The following RAB20 variants were observed in gnomAD, a reference collection of about 807,000 sequenced individuals.
RAB20 encodes the protein ras-related protein Rab-20.
In RAB20, 2 loss-of-function variants were observed where a neutral mutation model predicts 3.7. The observed-to-expected ratio is 0.54, with a 90% CI of 0.22 to 1.69. The LOEUF is 1.69. Among genes scored for constraint, RAB20 ranks in the 40% most tolerant of loss-of-function variants. The pLI is 0.19. For synonymous variants in RAB20, 126 were observed against 130.8 expected (o/e 0.96, Z 0.25); for missense variants, 276 against 311.9 (o/e 0.88, Z 0.87).
intron 1 of RAB20, among the ~76,000 whole-genome samples, chr13:110,533,354 G>T (rs571662856): frequency 6.6e-6 from 1 of 152,316 alleles, no homozygotes; most frequent in African/African-American, 2.4e-5. Context: ...CTCTAGGTTT[G>T]TTTTTTTAAA....
chr13:110,536,986 G>GTTTTT (rs147636207), intron 1 of RAB20, among the ~76,000 whole-genome samples: 2,243 of 109,466 alleles, frequency 0.02, 47 homozygotes, highest in Middle Eastern at 0.049. Flanking sequence ...GTGTCCAAGT[G>GTTTTT]TTTTTTTTTG....
At chr13:110,553,478 G>A (rs970877018) in intron 1 of RAB20, among the ~76,000 whole-genome samples, 3 of 152,172 alleles carry the variant, frequency 2.0e-5, no homozygotes, top group Admixed American at 6.5e-5. Context: ...AATGTTTTCC[G>A]CAAAGGGCCA....
At chr13:110,526,632 T>C (rs990954290) in intron 1 of RAB20, among the ~76,000 whole-genome samples, 1 of 152,132 alleles carries the variant, frequency 6.6e-6, no homozygotes, top group South Asian at 2.1e-4. Flanking sequence ...AACATCATCT[T>C]TGTTTTCACC....
chr13:110,561,609 G>C lies in RAB20; in HGVS notation c.-90C>G. ...GGGCGCAGCTGGAGGAGCGGACCCC[G>C]GACTCGCCGGGACCCGGATTCTCGT... On this transcript the variant is annotated 5_prime_UTR_variant, in exon 1 of 2. Coordinates refer to ENST00000267328, the MANE Select transcript of RAB20 (RefSeq NM_017817.3). The C allele has an allele frequency of 6.7e-7, 1 of 1,482,402 alleles. No homozygotes were observed. The highest frequency in any genetic ancestry group is 8.9e-7 in the Non-Finnish European group (1 of 1,119,394). 91.8% of individuals were successfully genotyped at this position (1,482,402 alleles called of 1,614,324 possible). A position where few individuals can be genotyped will look rare whatever the true frequency, so the allele number is the denominator to read the frequency against.
At chr13:110,532,155 G>A (rs1229938229) in intron 1 of RAB20, among the ~76,000 whole-genome samples, 2 of 152,222 alleles carry the variant, frequency 1.3e-5, no homozygotes, top group Non-Finnish European at 2.9e-5. Context: ...TGACCCAGCT[G>A]CCAGGGCAAG....
intron 1 of RAB20, among the ~76,000 whole-genome samples, chr13:110,527,549 T>A (rs1479920248): frequency 5.3e-5 from 8 of 152,218 alleles, no homozygotes; most frequent in African/African-American, 1.9e-4. Flanking sequence ...AGCCTGGGAA[T>A]GCTGTTGTTT....
intron 1 of RAB20, among the ~76,000 whole-genome samples, chr13:110,558,707 T>TG (rs1885082165): frequency 7.3e-6 from 1 of 137,540 alleles, no homozygotes; most frequent in African/African-American, 2.8e-5. Context: ...TTTTTTTTTT[T>TG]TTTTTTTTTT....
At chr13:110,524,284 G>A (rs1884390908) in intron 1 of RAB20, 87 bp from the exon 2 acceptor site, 2 of 1,478,294 alleles carry the variant, frequency 1.4e-6, no homozygotes, top group African/African-American at 1.4e-5. Flanking sequence ...CGTCCCACAG[G>A]GATGTTTATT....
At chr13:110,548,895 G>A (rs1458406856) in intron 1 of RAB20, among the ~76,000 whole-genome samples, 1 of 152,176 alleles carries the variant, frequency 6.6e-6, no homozygotes, top group Non-Finnish European at 1.5e-5. Flanking sequence ...TGAGTGTGAT[G>A]TCTGGCACCC....
intron 1 of RAB20, among the ~76,000 whole-genome samples, chr13:110,531,403 G>A (rs966197642): frequency 6.6e-6 from 1 of 152,218 alleles, no homozygotes; most frequent in African/African-American, 2.4e-5. Flanking sequence ...TGGAAGTGCC[G>A]GCTAATTCGC....
In RAB20 at chr13:110,523,219, A is replaced by G. The variant is rs1884360379; in HGVS notation, c.*446T>C. On this transcript the variant is annotated 3_prime_UTR_variant, in exon 2 of 2. Coordinates refer to ENST00000267328, the MANE Select transcript of RAB20 (RefSeq NM_017817.3). ...TACAAGTACCAAGTGGGAGGACCAA[A>G]GACAACTCACAGTGAAGAGAAACGC... 4.9e-6 allele frequency: 2 copies of G among 408,436 alleles called. No homozygotes were observed. Among genetic ancestry groups the G allele is most frequent in the East Asian group, 7.0e-5 (2 of 28,726 alleles). The allele number at this position is 408,436 out of a possible 1,614,324, so 25.3% of individuals were successfully genotyped here.
intron 1 of RAB20, among the ~76,000 whole-genome samples, chr13:110,528,836 G>GA (rs1566583416): frequency 6.6e-6 from 1 of 152,206 alleles, no homozygotes; most frequent in East Asian, 1.9e-4. Flanking sequence ...ATGCTAGCCA[G>GA]AAAAAAGTAA....
intron 1 of RAB20, among the ~76,000 whole-genome samples, chr13:110,547,147 C>G (rs1003442915): frequency 4.6e-5 from 7 of 152,150 alleles, no homozygotes; most frequent in Non-Finnish European, 8.8e-5. Flanking sequence ...CTGACTGTTG[C>G]GCCAAATCAC....
chr13:110,537,605 A>G (rs950263750), intron 1 of RAB20, among the ~76,000 whole-genome samples: 1 of 151,816 alleles, frequency 6.6e-6, no homozygotes, highest in Non-Finnish European at 1.5e-5. Context: ...TCTCCTAGAC[A>G]TAAGGAGCTG....
At chr13:110,546,011 T>C (rs563017152) in intron 1 of RAB20, among the ~76,000 whole-genome samples, 1 of 152,170 alleles carries the variant, frequency 6.6e-6, no homozygotes, top group African/African-American at 2.4e-5. Flanking sequence ...AGATGAAAAG[T>C]CAATGTCCAA....
At chr13:110,552,686 C>A (rs1025767975) in intron 1 of RAB20, among the ~76,000 whole-genome samples, 6 of 140,152 alleles carry the variant, frequency 4.3e-5, no homozygotes, top group Non-Finnish European at 6.0e-5. Context: ...GAGTGAGACT[C>A]CATCTCAAAT....
intron 1 of RAB20, among the ~76,000 whole-genome samples, chr13:110,524,828 C>T (rs1037828641): frequency 6.6e-5 from 10 of 152,224 alleles, no homozygotes; most frequent in African/African-American, 1.4e-4. Context: ...CAGTGGACAT[C>T]TCCCCTCCCA....
intron 1 of RAB20, among the ~76,000 whole-genome samples, chr13:110,556,679 G>A (rs532837738): frequency 2.6e-5 from 4 of 152,038 alleles, no homozygotes; most frequent in African/African-American, 9.6e-5. Context: ...GACTACAGGT[G>A]CGCACCACTA....
At chr13:110,533,518 AC>A (rs1165048941) in intron 1 of RAB20, among the ~76,000 whole-genome samples, 1 of 123,624 alleles carries the variant, frequency 8.1e-6, no homozygotes, top group Admixed American at 8.0e-5. Context: ...CCCTATCTCT[AC>A]AAAAAAAAAT....
Sources: allele counts gnomAD v4.1 joint callset (sites outside exome capture counted in the v4.1 genomes callset), GRCh38; gene constraint gnomAD v4.1.1; transcripts MANE v1.5; gene names NCBI Gene and HGNC (gene_info 2026-07-23, HGNC 2026-07-21).